Variants in PCNX1 observed in about 807,000 individuals in gnomAD.
PCNX1 encodes pecanex-like protein 1.
PCNX1 carries 78 observed loss-of-function variants against 242.2 expected under a neutral mutation model. That is an observed-to-expected ratio of 0.32 (90% confidence interval 0.27 to 0.39). The LOEUF (loss-of-function observed/expected upper bound fraction) is 0.39. PCNX1 is among the 10% of genes least tolerant of loss of function. PCNX1 has a pLI of 1.00. For missense variants in PCNX1, 2,581 were observed against 2,856.5 expected (o/e 0.90, Z 2.20); for synonymous variants, 1,024 against 1,032.9 (o/e 0.99, Z 0.17).
At chr14:70,997,550 T>C (rs773564265) in intron 8 of PCNX1, among the ~76,000 whole-genome samples, 3 of 152,132 alleles carry the variant, frequency 2.0e-5, no homozygotes, top group South Asian at 2.1e-4. Context: ...AAAAACCTCT[T>C]CTGATTGGAG....
At chr14:71,097,473 T>C (rs1405733390) in intron 30 of PCNX1, among the ~76,000 whole-genome samples, 1 of 152,198 alleles carries the variant, frequency 6.6e-6, no homozygotes, top group Non-Finnish European at 1.5e-5. Flanking sequence ...CTCTTGTTTT[T>C]TGACTTTTTA....
At chr14:70,964,338 A>T (rs376080197) in intron 3 of PCNX1, among the ~76,000 whole-genome samples, 4 of 152,138 alleles carry the variant, frequency 2.6e-5, no homozygotes, top group African/African-American at 9.7e-5. Flanking sequence ...AAGTGCTGGG[A>T]TTACAGATGT....
At chr14:71,067,681 C>A (rs2061483140) in intron 26 of PCNX1, among the ~76,000 whole-genome samples, 1 of 152,056 alleles carries the variant, frequency 6.6e-6, no homozygotes, top group Non-Finnish European at 1.5e-5. Flanking sequence ...TTCTCTAGTT[C>A]TTTTAATTGT....
At chr14:71,020,994 C>A (rs2060085196) in intron 12 of PCNX1, among the ~76,000 whole-genome samples, 1 of 152,156 alleles carries the variant, frequency 6.6e-6, no homozygotes, top group South Asian at 2.1e-4. Context: ...GCCAGTTTTC[C>A]CAACACCATT....
chr14:71,072,089 G>A (rs1316256759), intron 26 of PCNX1, among the ~76,000 whole-genome samples: 1 of 152,124 alleles, frequency 6.6e-6, no homozygotes, highest in Non-Finnish European at 1.5e-5. Context: ...AGATACAACA[G>A]TAATGAAATG....
At chr14:71,037,587 A>G (rs1378861720) in intron 19 of PCNX1, among the ~76,000 whole-genome samples, 4 of 150,548 alleles carry the variant, frequency 2.7e-5, no homozygotes, top group Non-Finnish European at 5.9e-5. Flanking sequence ...ATGCTGGATT[A>G]CATTTATTGA....
intron 30 of PCNX1, among the ~76,000 whole-genome samples, chr14:71,099,771 A>G (rs1361722717): frequency 2.0e-5 from 3 of 152,204 alleles, no homozygotes; most frequent in Non-Finnish European, 4.4e-5. Flanking sequence ...TTGGGTGCAT[A>G]TATATGTAGG....
Position 71,033,883 on chromosome 14 carries a change from G to T in PCNX1, c.3669-48G>T, listed in dbSNP as rs780391016. Reference sequence around the variant, plus strand: ...ACTTCATTGCCCGTTTGAATTACTGGTTTTCAGATTATCTATGTATTTTCT... The same window carrying T: ...ACTTCATTGCCCGTTTGAATTACTGTTTTTCAGATTATCTATGTATTTTCT... On this transcript the variant is annotated intron_variant, in intron 17 of 35. Coordinates refer to ENST00000304743, the MANE Select transcript of PCNX1 (RefSeq NM_014982.3). 4.0e-6 allele frequency: 4 copies of T among 989,672 alleles called. No homozygotes were observed. In the African/African-American group the frequency reaches 6.7e-5, roughly 17 times the overall value. The allele number at this position is 989,672 out of a possible 1,614,324, so 61.3% of individuals were successfully genotyped here.
At chr14:71,036,318 A>G (rs908329344) in intron 19 of PCNX1, among the ~76,000 whole-genome samples, 161 bp downstream of exon 19, 1 of 152,128 alleles carries the variant, frequency 6.6e-6, no homozygotes, top group Admixed American at 6.6e-5. Flanking sequence ...GTTGTGCACC[A>G]CCACACCAGG....
chr14:70,953,791 C>A (rs947631244), intron 2 of PCNX1, among the ~76,000 whole-genome samples: 1 of 151,586 alleles, frequency 6.6e-6, no homozygotes, highest in African/African-American at 2.4e-5. Context: ...TGCCTTCCCT[C>A]CTCAGTAGCT....
chr14:71,015,933 C>G (rs772217863), intron 11 of PCNX1, among the ~76,000 whole-genome samples: 8 of 152,004 alleles, frequency 5.3e-5, no homozygotes, highest in Non-Finnish European at 8.8e-5. Context: ...TGGCTCATGC[C>G]TGTGATCTCA....
chr14:71,106,353 T>A (rs2141876094), intron 33 of PCNX1, among the ~76,000 whole-genome samples: 1 of 152,334 alleles, frequency 6.6e-6, no homozygotes, highest in East Asian at 1.9e-4. Context: ...AATATTTAAC[T>A]ATTATAATTA....
Position 70,947,117 on chromosome 14 carries a change from G to T in PCNX1, c.356G>T (p.Gly119Val). Residue 119 changes from glycine to valine, a missense_variant, in exon 2 of 36, where the codon GGA becomes GTA. This residue lies in a region of PCNX1 where 1,204 missense variants were observed against 1,216.7 expected (regional missense o/e 0.99). Coordinates refer to ENST00000304743, the MANE Select transcript of PCNX1 (RefSeq NM_014982.3). ...TCAACCAGGAGAAAAGACAGCAATG[G>T]ACCGAGGTAAGGAAACCTATGTCAT... ...NCSTRRKDSN[G>V]PSDPGGGIEM... 6.2e-7 allele frequency: 1 copy of T among 1,606,814 alleles called. No homozygotes were observed. Among genetic ancestry groups the T allele is most frequent in the South Asian group, 1.1e-5 (1 of 90,116 alleles).
At chr14:70,949,863 A>G (rs2057707874) in intron 2 of PCNX1, among the ~76,000 whole-genome samples, 1 of 152,222 alleles carries the variant, frequency 6.6e-6, no homozygotes, top group Admixed American at 6.5e-5. Flanking sequence ...TGAACACTTG[A>G]CATACCTCAA....
intron 1 of PCNX1, among the ~76,000 whole-genome samples, chr14:70,935,047 C>T (rs1311393548): frequency 6.6e-6 from 1 of 152,186 alleles, no homozygotes; most frequent in African/African-American, 2.4e-5. Context: ...TGTTACAGCA[C>T]AGCTGTCCTT....
chr14:71,053,579 A>G (rs2061100424), intron 24 of PCNX1, among the ~76,000 whole-genome samples: 1 of 152,080 alleles, frequency 6.6e-6, no homozygotes, highest in Non-Finnish European at 1.5e-5. Context: ...CGGCCTCCCA[A>G]AGTGCTGGGA....
At chr14:70,911,149 T>G (rs79125026) in intron 1 of PCNX1, among the ~76,000 whole-genome samples, 460 of 152,370 alleles carry the variant, frequency 3.0e-3, no homozygotes, top group Non-Finnish European at 5.0e-3. Context: ...ATGACTGTTT[T>G]AAAAGTACAT....
chr14:71,000,651 C>T (rs770536221), intron 8 of PCNX1, among the ~76,000 whole-genome samples: 3 of 151,680 alleles, frequency 2.0e-5, no homozygotes, highest in Non-Finnish European at 4.4e-5. Flanking sequence ...CTTAGCCTCC[C>T]GAGTAGCTGG....
At chr14:71,087,961 T>G (rs1439439825) in intron 28 of PCNX1, among the ~76,000 whole-genome samples, 2 of 151,822 alleles carry the variant, frequency 1.3e-5, no homozygotes, top group Non-Finnish European at 2.9e-5. Context: ...AAATAAGTAG[T>G]TAATAAAAAA....
Sources: gnomAD v4.1 joint callset for allele counts (sites outside exome capture counted in the v4.1 genomes callset) on GRCh38, gnomAD v4.1.1 for gene constraint, gnomAD v4.1.1 regional missense constraint, MANE v1.5 for transcripts, NCBI Gene and HGNC (gene_info 2026-07-23, HGNC 2026-07-21) for gene names.